The following MAP4 variants were observed in gnomAD, a reference collection of about 807,000 sequenced individuals.
The protein encoded by MAP4 is microtubule associated protein 4.
A neutral mutation model predicts 170.2 loss-of-function variants in MAP4; 76 were observed. The ratio of observed to expected loss-of-function variants is 0.45; its 90% CI spans 0.37 to 0.54. The LOEUF (loss-of-function observed/expected upper bound fraction) is 0.54, where lower values mean the gene tolerates loss of function less well. Among genes scored for constraint, MAP4 ranks in the 20% least tolerant of loss-of-function variants. MAP4 has a pLI of 0.00. For missense variants in MAP4, 2,506 were observed against 2,748.0 expected, an observed-to-expected ratio of 0.91 and a Z score of 1.97; for synonymous variants, 909 against 994.5, an observed-to-expected ratio of 0.91 and a Z score of 1.62.
At chr3:48,019,673 C>T (rs1382145717), upstream of MAP4, among the ~76,000 whole-genome samples, 3 of 152,110 alleles carry the variant, frequency 2.0e-5, no homozygotes. Flanking sequence ...CTGCTTGAGC[C>T]CAAGAGTACA....
intron 10 of MAP4, among the ~76,000 whole-genome samples, chr3:47,899,288 A>G (rs1489264140): frequency 6.6e-6 from 1 of 152,100 alleles, no homozygotes; most frequent in Non-Finnish European, 1.5e-5. Context: ...TGTCCCAGCT[A>G]ATCACCACAC....
At chr3:48,015,455 T>C (rs2100107316) in intron 1 of MAP4, among the ~76,000 whole-genome samples, 1 of 152,236 alleles carries the variant, frequency 6.6e-6, no homozygotes, top group Non-Finnish European at 1.5e-5. Context: ...AATATAGTGC[T>C]CATTCCTCAG....
chr3:47,860,443 C>A (rs1255736620), intron 17 of MAP4, among the ~76,000 whole-genome samples: 1 of 152,256 alleles, frequency 6.6e-6, no homozygotes, highest in African/African-American at 2.4e-5. Flanking sequence ...ACCCACTTGC[C>A]TTGGCCTCCC....
intron 3 of MAP4, 130 bp downstream of exon 3, chr3:47,977,735 C>T: frequency 1.6e-6 from 1 of 621,268 alleles, no homozygotes; most frequent in Non-Finnish European, 2.9e-6. Context: ...TAAATACCTC[C>T]AACAAGAACA....
At chr3:47,992,562 G>A (rs2100092972) in intron 2 of MAP4, among the ~76,000 whole-genome samples, 1 of 151,770 alleles carries the variant, frequency 6.6e-6, no homozygotes, top group Non-Finnish European at 1.5e-5. Flanking sequence ...TGTGTAGCTC[G>A]GACTACAGGC....
intron 6 of MAP4, among the ~76,000 whole-genome samples, chr3:47,917,602 AAAG>A (rs1324759027): frequency 9.9e-5 from 15 of 151,710 alleles, no homozygotes; most frequent in East Asian, 1.9e-4. Flanking sequence ...AAAAAAAAAA[AAAG>A]AAGAAGAAGC....
At chr3:47,889,707 A>C (rs2098242700) in intron 10 of MAP4, among the ~76,000 whole-genome samples, 1 of 152,220 alleles carries the variant, frequency 6.6e-6, no homozygotes. Flanking sequence ...CCTAGAAGTT[A>C]TGTGGTACTG....
At chr3:47,950,998 C>T (rs983382098) in intron 3 of MAP4, among the ~76,000 whole-genome samples, 1 of 152,170 alleles carries the variant, frequency 6.6e-6, no homozygotes, top group Admixed American at 6.5e-5. Flanking sequence ...ACATACTCAA[C>T]AAATATATAA....
chr3:47,863,330 C>T (rs1375705266), intron 17 of MAP4, among the ~76,000 whole-genome samples: 1 of 152,198 alleles, frequency 6.6e-6, no homozygotes, highest in South Asian at 2.1e-4. Context: ...ATAAAGTCCA[C>T]CACCTCTAGG....
intron 2 of MAP4, chr3:47,987,287 G>A (rs146408447): frequency 8.2e-6 from 7 of 850,738 alleles, no homozygotes; most frequent in Non-Finnish European, 1.2e-5. Flanking sequence ...TCCTGTGCTA[G>A]AGCATGTTAA....
At chr3:47,924,474 T>C (rs534416121) in intron 4 of MAP4, among the ~76,000 whole-genome samples, 14 of 152,306 alleles carry the variant, frequency 9.2e-5, no homozygotes, top group Admixed American at 5.9e-4. Context: ...TATCCTTCTA[T>C]GTTTTTTGCA....
At chr3:48,005,032 G>C (rs1329677333) in intron 1 of MAP4, among the ~76,000 whole-genome samples, 1 of 152,152 alleles carries the variant, frequency 6.6e-6, no homozygotes, top group Non-Finnish European at 1.5e-5. Context: ...GTGAGGTTGA[G>C]AGTGTGACCC....
At chr3:48,007,676 C>CT (rs35776561) in intron 1 of MAP4, among the ~76,000 whole-genome samples, 14,171 of 140,312 alleles carry the variant, frequency 0.1, 2,261 homozygotes, top group African/African-American at 0.34. Flanking sequence ...AACTACTCTC[C>CT]TTTTTTTTTT....
intron 4 of MAP4, among the ~76,000 whole-genome samples, chr3:47,925,288 C>A (rs1311156523): frequency 6.6e-6 from 1 of 152,196 alleles, no homozygotes; most frequent in Admixed American, 6.5e-5. Context: ...CCACACTCAA[C>A]TTTCCGCTGA....
intron 2 of MAP4, 28 bp downstream of exon 2, chr3:47,998,610 A>G (rs2100097348): frequency 1.3e-6 from 2 of 1,546,118 alleles, no homozygotes; most frequent in East Asian, 4.5e-5. Context: ...TTCTGAACAT[A>G]TATAAGCAGT....
intron 17 of MAP4, among the ~76,000 whole-genome samples, chr3:47,861,068 T>C (rs999032234): frequency 6.6e-6 from 1 of 151,618 alleles, no homozygotes; most frequent in Middle Eastern, 3.4e-3. Flanking sequence ...TACTAAAAAA[T>C]ACAAAAGTTA....
chr3:47,893,703 T>G (rs766856763), intron 10 of MAP4, among the ~76,000 whole-genome samples: 25 of 152,156 alleles, frequency 1.6e-4, no homozygotes, highest in Non-Finnish European at 2.4e-4. Context: ...ACTGGAAATA[T>G]TCTATCAGAA....
intron 11 of MAP4, 50 bp from the exon 12 acceptor site, chr3:47,875,950 C>T: frequency 7.9e-7 from 1 of 1,271,222 alleles, no homozygotes; most frequent in Non-Finnish European, 1.1e-6. Context: ...TAAAGGGCAA[C>T]ATCAAACAGA....
intron 12 of MAP4, among the ~76,000 whole-genome samples, chr3:47,872,605 C>T (rs1010073369): frequency 6.6e-6 from 1 of 152,106 alleles, no homozygotes; most frequent in Non-Finnish European, 1.5e-5. Flanking sequence ...ACAAACTGGC[C>T]ATGCAGGGTG....
Sources: allele counts gnomAD v4.1 joint callset (sites outside exome capture counted in the v4.1 genomes callset), GRCh38; gene constraint gnomAD v4.1.1; transcripts MANE v1.5; gene names NCBI Gene and HGNC (gene_info 2026-07-23, HGNC 2026-07-21).